Variants in MUC7 observed in about 807,000 individuals in gnomAD.
MUC7 encodes the protein mucin 7, secreted.
In MUC7, 2 loss-of-function variants were observed where a neutral mutation model predicts 2.5. The ratio of observed to expected loss-of-function variants is 0.81; its 90% CI spans 0.33 to 2.55. MUC7 has a LOEUF of 2.55. MUC7 is among the 30% of genes most tolerant of loss of function. The pLI is 0.11. For synonymous variants in MUC7, 133 were observed against 173.4 expected (o/e 0.77, Z 1.83); for missense variants, 408 against 455.6 (o/e 0.90, Z 0.95).
At chr4:70,479,898 C>A (rs1428133808) in intron 2 of MUC7, among the ~76,000 whole-genome samples, 1 of 152,150 alleles carries the variant, frequency 6.6e-6, no homozygotes, top group South Asian at 2.1e-4. Context: ...TCCCAAAAAA[C>A]AAACCTACAT....
At chr4:70,456,646 T>C (rs1453166876) in intron 1 of MUC7, among the ~76,000 whole-genome samples, 1 of 152,042 alleles carries the variant, frequency 6.6e-6, no homozygotes, top group Non-Finnish European at 1.5e-5. Flanking sequence ...AAGAAACCAC[T>C]CCCATGATCC....
chr4:70,436,425 G>A (rs1334943427), intron 1 of MUC7, among the ~76,000 whole-genome samples: 1 of 151,620 alleles, frequency 6.6e-6, no homozygotes, highest in African/African-American at 2.4e-5. Context: ...CTCTAGTCTT[G>A]TCTTCTCACT....
At chr4:70,461,503 G>A (rs1734555576) in intron 1 of MUC7, among the ~76,000 whole-genome samples, 1 of 152,138 alleles carries the variant, frequency 6.6e-6, no homozygotes, top group Non-Finnish European at 1.5e-5. Context: ...TTCTTGCTAT[G>A]AGTATCCACT....
chr4:70,448,752 G>A (rs1734206214), intron 1 of MUC7, among the ~76,000 whole-genome samples: 1 of 152,038 alleles, frequency 6.6e-6, no homozygotes, highest in Admixed American at 6.6e-5. Context: ...TGTTTTCTTT[G>A]CTGTGCAGAA....
chr4:70,465,530 T>C lies in MUC7; in HGVS notation c.-92-6685T>C, dbSNP rs1472733752. ...AGGTTAGCAGAATTGCTAACTAGAA[T>C]AACCAGTTTAGAGAAGACCATAATG... is the stretch of plus-strand genomic sequence containing the variant. On this transcript the variant is annotated intron_variant, in intron 1 of 3. Transcript: ENST00000413702. 2.6e-5 allele frequency among the ~76,000 whole-genome samples: 4 copies of C among 152,058 alleles called. No individual in the cohort carries two copies. In the East Asian group the frequency reaches 7.7e-4, roughly 29 times the overall value.
chr4:70,442,034 C>A (rs1734020799), intron 1 of MUC7, among the ~76,000 whole-genome samples: 1 of 152,208 alleles, frequency 6.6e-6, no homozygotes, highest in African/African-American at 2.4e-5. Flanking sequence ...GTCCTCAGGA[C>A]AAAGAAACTA....
chr4:70,443,542 G>T (rs1343041973), intron 1 of MUC7, among the ~76,000 whole-genome samples: 1 of 152,024 alleles, frequency 6.6e-6, no homozygotes, highest in Non-Finnish European at 1.5e-5. Context: ...TTTCATTTTC[G>T]ACTGGCAAAC....
At chr4:70,445,745 C>T (rs1167955883) in intron 1 of MUC7, among the ~76,000 whole-genome samples, 1 of 152,164 alleles carries the variant, frequency 6.6e-6, no homozygotes. Context: ...TAGACACCAC[C>T]AATTGCTGAA....
chr4:70,441,438 A>G (rs1734002945), intron 1 of MUC7, among the ~76,000 whole-genome samples: 1 of 152,208 alleles, frequency 6.6e-6, no homozygotes, highest in African/African-American at 2.4e-5. Flanking sequence ...AAAAGAGAGT[A>G]TCTTTAAAAT....
rs1236574925 is a variant in MUC7, at chr4:70,472,228, A to C, written c.-79A>C. On this transcript the variant is annotated 5_prime_UTR_variant, in exon 1 of 3. Coordinates refer to ENST00000304887, the MANE Select transcript of MUC7 (RefSeq NM_152291.3). ...TTTTGCTTCTAGTTACCATCCTCAA[A>C]GGATTGGCTAAAAGCAAGCAACTGG... 6.6e-6 allele frequency: 1 copy of C among 152,202 alleles called. No individual in the cohort carries two copies. Among genetic ancestry groups the C allele is most frequent in the Non-Finnish European group, 1.5e-5 (1 of 68,028 alleles). The allele number at this position is 152,202 out of a possible 1,614,324, so 9.4% of individuals were successfully genotyped here.
intron 1 of MUC7, among the ~76,000 whole-genome samples, chr4:70,443,739 T>C (rs1211801586): frequency 6.6e-6 from 1 of 151,898 alleles, no homozygotes; most frequent in Non-Finnish European, 1.5e-5. Context: ...AAGCAAAAAC[T>C]TATAGATGAA....
intron 1 of MUC7, among the ~76,000 whole-genome samples, chr4:70,465,576 A>G (rs938337201): frequency 6.6e-6 from 1 of 152,226 alleles, no homozygotes; most frequent in Non-Finnish European, 1.5e-5. Context: ...GCTGAAAAAC[A>G]CAGCACGAGA....
At chr4:70,454,694 G>C (rs1734372543) in intron 1 of MUC7, among the ~76,000 whole-genome samples, 1 of 150,558 alleles carries the variant, frequency 6.6e-6, no homozygotes, top group African/African-American at 2.5e-5. Flanking sequence ...TGGTGTTCCT[G>C]TTGTGGGGGA....
At position 70,481,521 on chromosome 4, in the gene MUC7, T is replaced by C; in HGVS notation, c.777T>C (p.Ala259=). ...CCTCAGCTCCACCAGAGACCACAGC[T>C]GTCCCACCCACACCTTCTGCAACTA... The part of the protein sequence containing the change: ...LSSSAPPETT[A]VPPTPSATTL... Residue 259 remains alanine (A), a synonymous_variant, in exon 3 of 3, where the codon GCT becomes GCC. Coordinates refer to ENST00000304887, the MANE Select transcript of MUC7 (RefSeq NM_152291.3). The C allele has an allele frequency of 6.2e-7, 1 of 1,605,240 alleles. No individual in the cohort carries two copies. Among genetic ancestry groups the C allele is most frequent in the African/African-American group, 1.4e-5 (1 of 72,656 alleles).
chr4:70,456,152 G>T (rs990972352), intron 1 of MUC7, among the ~76,000 whole-genome samples: 1 of 152,008 alleles, frequency 6.6e-6, no homozygotes. Flanking sequence ...ACCCAGTTCC[G>T]AAGTCACTTC....
Position 70,482,036 on chromosome 4 carries a change from G to A in MUC7, c.*158G>A. 1 of 950,888 alleles carries A rather than the reference G, an allele frequency of 1.1e-6. No homozygotes were observed. Among genetic ancestry groups the A allele is most frequent in the South Asian group, 1.8e-5 (1 of 56,058 alleles). 58.9% of individuals were successfully genotyped at this position (950,888 alleles called of 1,614,324 possible). On this transcript the variant is annotated 3_prime_UTR_variant, in exon 3 of 3. Transcript: ENST00000304887. Reference sequence around the variant, plus strand: ...TCAATCTAATTATTCACCACCACAAGACCTATTAACAAGACAAAATGCCTC... The same window carrying A: ...TCAATCTAATTATTCACCACCACAAAACCTATTAACAAGACAAAATGCCTC...
At chr4:70,458,637 A>T (rs972439296) in intron 1 of MUC7, among the ~76,000 whole-genome samples, 2 of 152,116 alleles carry the variant, frequency 1.3e-5, no homozygotes, top group African/African-American at 4.8e-5. Flanking sequence ...AGATAATGAG[A>T]AAAAAAGAGA....
chr4:70,460,917 A>T (rs745729601), intron 1 of MUC7, among the ~76,000 whole-genome samples: 3 of 152,172 alleles, frequency 2.0e-5, no homozygotes, highest in Non-Finnish European at 4.4e-5. Context: ...CAAGTTCCCT[A>T]TCTGGTGCAA....
At chr4:70,447,252 G>T (rs57859569) in intron 1 of MUC7, among the ~76,000 whole-genome samples, 10 of 152,226 alleles carry the variant, frequency 6.6e-5, no homozygotes, top group African/African-American at 2.4e-4. Context: ...TACATAAAAT[G>T]GGGATAACAA....
Sources: gnomAD v4.1 joint callset for allele counts (sites outside exome capture counted in the v4.1 genomes callset) on GRCh38, gnomAD v4.1.1 for gene constraint, MANE v1.5 for transcripts, NCBI Gene and HGNC (gene_info 2026-07-23, HGNC 2026-07-21) for gene names.